MYH7B: variants seen among roughly 807,000 people sequenced by gnomAD.
MYH7B encodes myosin-7B.
MYH7B carries 205 observed loss-of-function variants against 234.5 expected under a neutral mutation model. The observed-to-expected ratio is 0.87, with a 90% confidence interval of 0.78 to 0.98. The LOEUF is 0.98. MYH7B is among the 50% of genes least tolerant of loss of function. MYH7B has a pLI of 0.00. For synonymous variants in MYH7B, 1,193 were observed against 1,105.0 expected (o/e 1.08, Z -1.58); for missense variants, 2,652 against 2,633.4 (o/e 1.01, Z -0.15).
exon 36 of MYH7B, chr20:34,999,398 C>T (rs536809811): frequency 1.3e-6 from 2 of 1,516,772 alleles, no homozygotes; most frequent in South Asian, 1.3e-5. Context: ...AGAACAAGAA[C>T]CTGCAGGGTA....
chr20:34,992,457 CTAA>C (rs1308908141), intron 24 of MYH7B, among the ~76,000 whole-genome samples: 1 of 150,380 alleles, frequency 6.6e-6, no homozygotes, highest in Non-Finnish European at 1.5e-5. Context: ...TCACCTTCTA[CTAA>C]TATTTTTTGC....
rs367770874 is a variant in MYH7B at position 34,997,359 on chromosome 20, C to T, written c.3466C>T (p.Arg1156Trp). 13 of 1,531,734 alleles carry T rather than the reference C, an allele frequency of 8.5e-6. No individual in the cohort carries two copies. The highest frequency in any genetic ancestry group is 4.3e-5 in the Admixed American group (2 of 46,612). The allele number at this position is 1,531,734 out of a possible 1,614,324, so 94.9% of individuals were successfully genotyped here. The change falls in exon 32 of 45, where the codon CGG (arginine) becomes TGG (tryptophan). Residue 1156 changes from arginine (R) to tryptophan (W), a missense_variant. By Grantham distance (101) the Arg-to-Trp change is moderately radical (BLOSUM62 -3). This residue lies in a region of MYH7B where 2,279 missense variants were observed against 2,211.4 expected (regional missense o/e 1.03). Transcript: ENST00000262873. ...GCGGGAGCTGGAGGAGCTGAGCGAGCGGCTGGAGGAGGCAGGCGGCGCATC... is the reference window on the plus strand; with the variant it reads ...GCGGGAGCTGGAGGAGCTGAGCGAGTGGCTGGAGGAGGCAGGCGGCGCATC...
chr20:35,000,969 A>G lies in MYH7B; in HGVS notation c.5305-19A>G, dbSNP rs759598480. 2 of 1,613,364 alleles carry G rather than the reference A, an allele frequency of 1.2e-6. No individual in the cohort carries two copies. On this transcript the variant is annotated intron_variant, in intron 40 of 44. Coordinates refer to ENST00000262873, the Ensembl canonical transcript of MYH7B. ...CTTCCCTGAGGCTGGGCACCTGACC[A>G]GCTCCTCCTCCCCAACAGGCGGCCA... is the stretch of plus-strand genomic sequence containing the variant.
chr20:34,977,037 G>A (rs1358864734), intron 3 of MYH7B, among the ~76,000 whole-genome samples: 1 of 114,484 alleles, frequency 8.7e-6, no homozygotes, highest in African/African-American at 3.5e-5. Context: ...TGAGAAGGAT[G>A]TCCCTCTCCC....
chr20:34,987,154 C>T, exon 16 of MYH7B: 1 of 1,613,376 alleles, frequency 6.2e-7, no homozygotes. Flanking sequence ...CCCAGCATGC[C>T]ATGGACATCC....
chr20:34,984,815 C>A, intron 11 of MYH7B, 39 bp from the exon 12 acceptor site: 4 of 1,600,230 alleles, frequency 2.5e-6, no homozygotes, highest in Non-Finnish European at 3.4e-6. Flanking sequence ...GGTGGGTAGG[C>A]ACCAGAACTG....
exon 36 of MYH7B, chr20:34,999,323 C>T (rs777248100): frequency 3.2e-5 from 51 of 1,570,674 alleles, no homozygotes; most frequent in South Asian, 8.2e-5. Context: ...GCCTGGGCAC[C>T]GAGCTCTTCC....
intron 2 of MYH7B, among the ~76,000 whole-genome samples, chr20:34,969,453 A>G (rs1176380291): frequency 6.6e-6 from 1 of 151,832 alleles, no homozygotes; most frequent in Non-Finnish European, 1.5e-5. Flanking sequence ...AAGGCAGTCC[A>G]TCCATAGATA....
At chr20:34,999,375 A>G in exon 36 of MYH7B, 2 of 1,530,814 alleles carry the variant, frequency 1.3e-6, no homozygotes, top group African/African-American at 2.7e-5. Flanking sequence ...AGCCCTGGAG[A>G]CGCTCAAGCG....
intron 19 of MYH7B, 125 bp downstream of exon 19, chr20:34,988,387 A>G: frequency 9.2e-7 from 1 of 1,087,402 alleles, no homozygotes; most frequent in Non-Finnish European, 1.3e-6. Flanking sequence ...TGTGCGTTGC[A>G]GTAAGCATGC....
Position 34,973,874 on chromosome 20 carries a change from CA to C in MYH7B, c.-221-1525del, listed in dbSNP as rs967326073. ...TCAGGTTCAAGTGATCCTCCTGCTT[CA>C]GCCTCCCCAAGTAGGTGGGATTACA... On this transcript the variant is annotated intron_variant, in intron 2 of 44. Coordinates refer to ENST00000262873, the Ensembl canonical transcript of MYH7B. Among the ~76,000 whole-genome samples the C allele has an allele frequency of 9.2e-5, 14 of 152,086 alleles. No homozygotes were observed. The South Asian group carries it at 1.2e-3, about 14-fold the overall frequency.
intron 24 of MYH7B, among the ~76,000 whole-genome samples, chr20:34,992,850 G>A (rs756609891): frequency 6.6e-6 from 1 of 152,170 alleles, no homozygotes; most frequent in Non-Finnish European, 1.5e-5. Flanking sequence ...GATTATGGGC[G>A]TGAGCCACCG....
At chr20:34,974,971 A>C (rs73272745) in intron 2 of MYH7B, among the ~76,000 whole-genome samples, 6,677 of 152,306 alleles carry the variant, frequency 0.044, 488 homozygotes, top group African/African-American at 0.15. Context: ...AGGTTCTCAC[A>C]GAGACAATGC....
chr20:34,975,406 G>C (rs1355795499), exon 3 of MYH7B: 2 of 624,530 alleles, frequency 3.2e-6, no homozygotes, highest in Non-Finnish European at 5.9e-6. Flanking sequence ...GTAGAGATGG[G>C]GTTTTGATGT....
intron 3 of MYH7B, among the ~76,000 whole-genome samples, chr20:34,977,061 C>CTCTCTCT (rs111959760): frequency 7.4e-6 from 1 of 134,586 alleles, no homozygotes; most frequent in African/African-American, 2.8e-5. Flanking sequence ...ACCCCTCCCC[C>CTCTCTCT]CTCTCTCTCT....
intron 24 of MYH7B, among the ~76,000 whole-genome samples, chr20:34,992,618 T>C (rs1600455832): frequency 6.9e-6 from 1 of 145,310 alleles, no homozygotes; most frequent in African/African-American, 2.5e-5. Context: ...TGGAGTGCAG[T>C]GGCAGGATCT....
chr20:34,976,468 G>A (rs185694661), intron 3 of MYH7B, among the ~76,000 whole-genome samples: 68 of 152,278 alleles, frequency 4.5e-4, no homozygotes, highest in South Asian at 2.9e-3. Flanking sequence ...GTGGCGTCAC[G>A]GAGCCCTGAA....
chr20:34,983,633 C>A (rs534823923), intron 10 of MYH7B, among the ~76,000 whole-genome samples: 1 of 152,118 alleles, frequency 6.6e-6, no homozygotes, highest in African/African-American at 2.4e-5. Context: ...AGAGGCTGCC[C>A]GCAGGAGCCA....
chr20:34,991,384 C>G (rs185701679), intron 24 of MYH7B, among the ~76,000 whole-genome samples: 15 of 152,306 alleles, frequency 9.8e-5, no homozygotes, highest in African/African-American at 3.6e-4. Flanking sequence ...ATTCTGGATG[C>G]AGAAAAGACG....
Sources: gnomAD v4.1 joint callset for allele counts (sites outside exome capture counted in the v4.1 genomes callset) on GRCh38, gnomAD v4.1.1 for gene constraint, gnomAD v4.1.1 regional missense constraint, MANE v1.5 for transcripts, NCBI Gene and HGNC (gene_info 2026-07-23, HGNC 2026-07-21) for gene names.